SOX5: variants seen among roughly 807,000 people sequenced by gnomAD.
SOX5 encodes the protein transcription factor SOX-5.
In SOX5, 9 loss-of-function variants were observed where a neutral mutation model predicts 92.0. The ratio of observed to expected loss-of-function variants is 0.10; its 90% CI spans 0.06 to 0.17. The LOEUF (loss-of-function observed/expected upper bound fraction) is 0.17, where lower values mean the gene tolerates loss of function less well. Among genes scored for constraint, SOX5 ranks in the 10% least tolerant of loss-of-function variants. The probability of loss-of-function intolerance (pLI) is 1.00; values close to 1 mark genes in which losing one functional copy is unlikely to be tolerated. For missense variants in SOX5, 642 were observed against 944.5 expected (o/e 0.68, Z 4.20); for synonymous variants, 344 against 336.3 (o/e 1.02, Z -0.25).
At chr12:23,692,752 A>T (rs2089102986) in intron 6 of SOX5, among the ~76,000 whole-genome samples, 1 of 151,974 alleles carries the variant, frequency 6.6e-6, no homozygotes, top group African/African-American at 2.4e-5. Flanking sequence ...GGCACGGTAA[A>T]TTTTTCCACA....
chr12:24,172,008 C>CATAGATGG (rs1954237185), intron 4 of SOX5, among the ~76,000 whole-genome samples: 1 of 151,766 alleles, frequency 6.6e-6, no homozygotes, highest in Non-Finnish European at 1.5e-5. Flanking sequence ...TGCATAGATG[C>CATAGATGG]TAGAGAATAT....
chr12:24,097,331 T>A (rs1945543529), intron 4 of SOX5, among the ~76,000 whole-genome samples: 1 of 152,198 alleles, frequency 6.6e-6, no homozygotes, highest in Non-Finnish European at 1.5e-5. Context: ...ATGTTTATAC[T>A]CTTTTATAGT....
At chr12:24,551,271 T>C (rs1363913665) in intron 1 of SOX5, among the ~76,000 whole-genome samples, 1 of 152,220 alleles carries the variant, frequency 6.6e-6, no homozygotes, top group Admixed American at 6.5e-5. Context: ...AGCAAGACAC[T>C]GTGCTGGGCA....
chr12:24,355,282 CTTTTTTTTTTTTTTTTTTTTTTTTTTTT>C (rs768157437), intron 2 of SOX5, among the ~76,000 whole-genome samples: 2 of 71,920 alleles, frequency 2.8e-5, no homozygotes, highest in African/African-American at 7.4e-5. Flanking sequence ...AGGGGTGCAT[CTTTTTTTTTTTTTTTTTTTTTTTTTTTT>C]TTTTTTTTTT....
At chr12:23,693,824 T>C (rs1350858420) in intron 6 of SOX5, among the ~76,000 whole-genome samples, 1 of 152,228 alleles carries the variant, frequency 6.6e-6, no homozygotes, top group Non-Finnish European at 1.5e-5. Context: ...TAAACTATGC[T>C]TATTTTTCAC....
chr12:24,108,314 C>A (rs1946919332), intron 4 of SOX5, among the ~76,000 whole-genome samples: 1 of 151,056 alleles, frequency 6.6e-6, no homozygotes, highest in African/African-American at 2.4e-5. Context: ...GTTTTTCCAT[C>A]CTTTTTTTAT....
intron 4 of SOX5, among the ~76,000 whole-genome samples, chr12:24,057,885 C>G (rs1958288776): frequency 6.6e-6 from 1 of 152,158 alleles, no homozygotes; most frequent in Non-Finnish European, 1.5e-5. Context: ...GGTGTAAAAT[C>G]TTGAAATTAA....
chr12:24,365,789 T>C (rs560384753), intron 2 of SOX5, among the ~76,000 whole-genome samples: 3 of 151,958 alleles, frequency 2.0e-5, no homozygotes, highest in African/African-American at 7.2e-5. Context: ...TTTCCTAATA[T>C]GTCTTTTTAT....
chr12:23,792,398 G>C (rs1234049902), intron 3 of SOX5, among the ~76,000 whole-genome samples: 1 of 151,806 alleles, frequency 6.6e-6, no homozygotes, highest in Non-Finnish European at 1.5e-5. Flanking sequence ...ACCGAGGTGG[G>C]TGGATCATGA....
At chr12:24,240,857 T>A (rs1219173297) in intron 3 of SOX5, among the ~76,000 whole-genome samples, 1 of 152,198 alleles carries the variant, frequency 6.6e-6, no homozygotes, top group East Asian at 1.9e-4. Context: ...ATATGCAGTG[T>A]AACATTTCAA....
intron 1 of SOX5, among the ~76,000 whole-genome samples, chr12:24,390,087 A>G (rs1427625162): frequency 6.6e-6 from 1 of 152,056 alleles, no homozygotes; most frequent in Non-Finnish European, 1.5e-5. Context: ...CTGTTTTGAA[A>G]TCCTCCCCAA....
chr12:24,386,589 T>C (rs57733936), intron 1 of SOX5, among the ~76,000 whole-genome samples: 4,027 of 152,238 alleles, frequency 0.026, 186 homozygotes, highest in African/African-American at 0.093. Context: ...TTGGCAAGAA[T>C]TGAGAAATCT....
At chr12:24,173,962 T>C (rs970415390) in intron 4 of SOX5, among the ~76,000 whole-genome samples, 2 of 152,028 alleles carry the variant, frequency 1.3e-5, no homozygotes, top group Non-Finnish European at 2.9e-5. Flanking sequence ...TCTTGGGCAG[T>C]GTGACCCAGA....
At chr12:24,309,772 G>GTA (rs892851150) in intron 2 of SOX5, among the ~76,000 whole-genome samples, 3 of 152,112 alleles carry the variant, frequency 2.0e-5, no homozygotes, top group African/African-American at 7.2e-5. Flanking sequence ...GATGCAAACT[G>GTA]TAAAAACCGT....
intron 6 of SOX5, among the ~76,000 whole-genome samples, chr12:23,666,743 A>C (rs566082257): frequency 6.6e-6 from 1 of 152,210 alleles, no homozygotes; most frequent in Non-Finnish European, 1.5e-5. Context: ...GTGAACAAGA[A>C]AACTAAAATC....
intron 1 of SOX5, among the ~76,000 whole-genome samples, chr12:24,502,803 C>T (rs766532924): frequency 2.0e-5 from 3 of 152,278 alleles, no homozygotes; most frequent in East Asian, 1.9e-4. Context: ...AGTGGTAAAA[C>T]GAAGTATATC....
In SOX5 at chr12:24,018,266, T is replaced by C. The variant is rs535390492; in HGVS notation, c.-1-122242A>G. On this transcript the variant is annotated intron_variant, in intron 4 of 4. Coordinates refer to the SOX5 transcript ENST00000446891. ...CTAAAATATCTTCTCCCTTGCAGTT[T>C]GTTGCTGTTTTATCATTTGCTTAGA... 5.9e-5 allele frequency among the ~76,000 whole-genome samples: 9 copies of C among 152,350 alleles called. No individual in the cohort carries two copies. In the South Asian group the frequency reaches 1.9e-3, roughly 32 times the overall value.
rs547380341 is a variant in SOX5, at chr12:24,552,367, C to T, written c.-251+9962G>A. ...GAATTTTTTATCACTGGTTCTCAAA[C>T]TTTTATGTGCAAAAGAATCACCAGT... is the stretch of plus-strand genomic sequence containing the variant. On this transcript the variant is annotated intron_variant, in intron 1 of 4. Coordinates refer to the SOX5 transcript ENST00000446891. Among the ~76,000 whole-genome samples, 8 of 152,276 alleles carry T rather than the reference C, an allele frequency of 5.3e-5. No homozygotes were observed. In the East Asian group the frequency reaches 1.4e-3, roughly 26 times the overall value.
intron 3 of SOX5, among the ~76,000 whole-genome samples, chr12:23,778,323 T>C (rs1250355610): frequency 2.0e-5 from 3 of 152,136 alleles, no homozygotes; most frequent in Non-Finnish European, 4.4e-5. Flanking sequence ...AGGAAAGACA[T>C]GAATGTGGAA....
Sources: allele counts gnomAD v4.1 joint callset (sites outside exome capture counted in the v4.1 genomes callset), GRCh38; gene constraint gnomAD v4.1.1; transcripts MANE v1.5; gene names NCBI Gene and HGNC (gene_info 2026-07-23, HGNC 2026-07-21).